Variants in HP1BP3 observed in about 807,000 individuals in gnomAD.
The protein encoded by HP1BP3 is heterochromatin protein 1-binding protein 3.
HP1BP3 carries 12 observed loss-of-function variants against 62.5 expected under a neutral mutation model. The ratio of observed to expected loss-of-function variants is 0.19; its 90% CI spans 0.12 to 0.31. The LOEUF (loss-of-function observed/expected upper bound fraction) is 0.31. Among genes scored for constraint, HP1BP3 ranks in the 10% least tolerant of loss-of-function variants. The probability of loss-of-function intolerance (pLI) is 1.00; values close to 1 mark genes in which losing one functional copy is unlikely to be tolerated. For synonymous variants in HP1BP3, 260 were observed against 237.8 expected, an observed-to-expected ratio of 1.09 and a Z score of -0.86; for missense variants, 502 against 651.8, an observed-to-expected ratio of 0.77 and a Z score of 2.50.
chr1:20,741,210 A>G lies in HP1BP3; in HGVS notation c.*3587T>C, dbSNP rs908882474. The stretch of plus-strand genomic sequence containing the variant: ...CCAAAGATAGGAGACCTTAACTATA[A>G]TCCCAAATTTTTAAAGTTTCTCTTA... On this transcript the variant is annotated 3_prime_UTR_variant, in exon 13 of 13. Transcript: ENST00000438032. Among the ~76,000 whole-genome samples, 1 of 152,236 alleles carries G rather than the reference A, an allele frequency of 6.6e-6. No individual in the cohort carries two copies. Among genetic ancestry groups the G allele is most frequent in the Non-Finnish European group, 1.5e-5 (1 of 68,046 alleles).
At position 20,742,254 on chromosome 1, in the gene HP1BP3, C is replaced by T. The variant is rs949408217; in HGVS notation, c.*2543G>A. ...TGAGCACAGGTACCTAACATCCATA[C>T]TATTAAGAATCATTACTTGCTAGAG... On this transcript the variant is annotated 3_prime_UTR_variant, in exon 13 of 13. Coordinates refer to ENST00000438032, the MANE Select transcript of HP1BP3 (RefSeq NM_001372052.1). Among the ~76,000 whole-genome samples, 1 of 152,180 alleles carries T rather than the reference C, an allele frequency of 6.6e-6. No individual in the cohort carries two copies. Among genetic ancestry groups the T allele is most frequent in the Non-Finnish European group, 1.5e-5 (1 of 68,032 alleles).
At chr1:20,751,133 T>TA (rs2055721103) in intron 9 of HP1BP3, among the ~76,000 whole-genome samples, 1 of 152,068 alleles carries the variant, frequency 6.6e-6, no homozygotes, top group African/African-American at 2.4e-5. Context: ...TCCTCTTTCT[T>TA]AAGATTTTCT....
chr1:20,760,554 A>T (rs1190777972), intron 8 of HP1BP3, among the ~76,000 whole-genome samples: 1 of 151,246 alleles, frequency 6.6e-6, no homozygotes, highest in Non-Finnish European at 1.5e-5. Context: ...AAAAAAAAAA[A>T]GTGACAGGCT....
intron 1 of HP1BP3, among the ~76,000 whole-genome samples, chr1:20,781,503 C>G (rs2057545072): frequency 6.6e-6 from 1 of 152,154 alleles, no homozygotes; most frequent in African/African-American, 2.4e-5. Flanking sequence ...ATGGGAACAC[C>G]AAGAACAATA....
chr1:20,757,217 C>A lies in HP1BP3; in HGVS notation c.930G>T (p.Glu310Asp). The A allele has an allele frequency of 6.2e-7, 1 of 1,612,982 alleles. No individual in the cohort carries two copies. The highest frequency in any genetic ancestry group is 2.2e-5 in the East Asian group (1 of 44,878). The change falls in exon 9 of 13, where the codon GAG (glutamate) becomes GAT (aspartate). Residue 310 changes from glutamate (E) to aspartate (D), a missense_variant. By Grantham distance (45) the Glu-to-Asp change is conservative. This residue lies in a region of HP1BP3 where 111 missense variants were observed against 242.0 expected (regional missense o/e 0.46). Transcript: ENST00000438032. ...LLKNALQRAV[E>D]RGQLEQITGK... is the part of the protein sequence containing the mutation. ...CAGTTATCTGTTCTAACTGGCCCCT[C>A]TCTACTGCTCTCTGCAGAGCGTTCT...
chr1:20,744,793 A>C lies in HP1BP3; in HGVS notation c.*4T>G. On this transcript the variant is annotated 3_prime_UTR_variant, in exon 13 of 13. Coordinates refer to ENST00000438032, the MANE Select transcript of HP1BP3 (RefSeq NM_001372052.1). ...CATCATGATACCCTTTTTTCCTATAAAATTTACTTTTTCACTCTGAAAGAC... is the reference window on the plus strand; with the variant it reads ...CATCATGATACCCTTTTTTCCTATACAATTTACTTTTTCACTCTGAAAGAC... The C allele has an allele frequency of 1.3e-6, 2 of 1,585,910 alleles. No individual in the cohort carries two copies. The highest frequency in any genetic ancestry group is 8.5e-7 in the Non-Finnish European group (1 of 1,170,816).
At position 20,742,023 on chromosome 1, in the gene HP1BP3, C is replaced by G. The variant is rs1457543504; in HGVS notation, c.*2774G>C. ...TCCTGTCTTTTCCCTTTACATCACACTGAAACAAACTGTCCTTATAGTTAA... is the reference window on the plus strand; with the variant it reads ...TCCTGTCTTTTCCCTTTACATCACAGTGAAACAAACTGTCCTTATAGTTAA... On this transcript the variant is annotated 3_prime_UTR_variant, in exon 13 of 13. Coordinates refer to ENST00000438032, the MANE Select transcript of HP1BP3 (RefSeq NM_001372052.1). 6.6e-6 allele frequency among the ~76,000 whole-genome samples: 1 copy of G among 152,224 alleles called. No individual in the cohort carries two copies. The highest frequency in any genetic ancestry group is 1.5e-5 in the Non-Finnish European group (1 of 68,044).
In HP1BP3 at chr1:20,771,235, TA is replaced by T; in HGVS notation, c.511-163del. ...TCAGTTCATAATGACTACAGAGAAGTAACAGAATTACTAAATATTTCTACTA... is the reference window on the plus strand; with the variant it reads ...TCAGTTCATAATGACTACAGAGAAGTACAGAATTACTAAATATTTCTACTA... On this transcript the variant is annotated intron_variant, in intron 5 of 12. Transcript: ENST00000438032. 2.6e-5 allele frequency among the ~76,000 whole-genome samples: 4 copies of T among 152,264 alleles called. No individual in the cohort carries two copies. In the Middle Eastern group the frequency reaches 0.014, roughly 518 times the overall value.
intron 1 of HP1BP3, among the ~76,000 whole-genome samples, chr1:20,786,989 G>A (rs1245737574): frequency 3.3e-5 from 5 of 152,076 alleles, no homozygotes; most frequent in Non-Finnish European, 7.4e-5. Flanking sequence ...AAAGGGCAGG[G>A]GGCTAGGTCG....
rs985981071 is a variant in HP1BP3 at position 20,740,646 on chromosome 1, C to T, written c.*4151G>A. Among the ~76,000 whole-genome samples the T allele has an allele frequency of 6.6e-6, 1 of 152,160 alleles. No homozygotes were observed. Among genetic ancestry groups the T allele is most frequent in the African/African-American group, 2.4e-5 (1 of 41,436 alleles). On this transcript the variant is annotated 3_prime_UTR_variant, in exon 13 of 13. Transcript: ENST00000438032. The stretch of plus-strand genomic sequence containing the variant: ...GACCAGCCTGGGCAACACAGTGAGG[C>T]CCCATCTCTAGAAAAGATAAATTAG...
At chr1:20,772,377 CCTCA>C (rs2057098878) in intron 5 of HP1BP3, among the ~76,000 whole-genome samples, 1 of 152,096 alleles carries the variant, frequency 6.6e-6, no homozygotes, top group African/African-American at 2.4e-5. Context: ...CTTTTTCCAT[CCTCA>C]CTATGATGCT....
chr1:20,785,793 T>G (rs2057794168), intron 1 of HP1BP3, among the ~76,000 whole-genome samples: 1 of 152,232 alleles, frequency 6.6e-6, no homozygotes, highest in Non-Finnish European at 1.5e-5. Flanking sequence ...AAAATGTTAC[T>G]TCTATTTTGA....
rs1156883591 is a variant in HP1BP3 at position 20,765,550 on chromosome 1, A to C, written c.736-19T>G. The C allele has an allele frequency of 6.3e-7, 1 of 1,597,594 alleles. No homozygotes were observed. The highest frequency in any genetic ancestry group is 8.6e-7 in the Non-Finnish European group (1 of 1,168,504). On this transcript the variant is annotated intron_variant, in intron 7 of 12. Transcript: ENST00000438032. Reference sequence around the variant, plus strand: ...TCCTATTCTGAAAAGTAATTATCAAAAATTATGATCATTATAGAACGTAAA... The same window carrying C: ...TCCTATTCTGAAAAGTAATTATCAACAATTATGATCATTATAGAACGTAAA...
intron 5 of HP1BP3, among the ~76,000 whole-genome samples, chr1:20,772,700 A>C (rs1172803323): frequency 1.3e-5 from 2 of 152,170 alleles, no homozygotes; most frequent in East Asian, 3.9e-4. Flanking sequence ...TCAGATCCTA[A>C]CAACAGGGTC....
At chr1:20,748,463 T>A (rs535367645) in intron 10 of HP1BP3, among the ~76,000 whole-genome samples, 3 of 152,170 alleles carry the variant, frequency 2.0e-5, no homozygotes, top group African/African-American at 4.8e-5. Flanking sequence ...CATATAGAAA[T>A]AGGCCGGGCG....
At chr1:20,748,767 A>C (rs935777548) in intron 10 of HP1BP3, among the ~76,000 whole-genome samples, 2 of 152,182 alleles carry the variant, frequency 1.3e-5, no homozygotes, top group African/African-American at 4.8e-5. Context: ...CCGTCTAAAA[A>C]AAAAAAAAGA....
At chr1:20,761,051 T>C (rs1208897359) in intron 8 of HP1BP3, among the ~76,000 whole-genome samples, 1 of 152,068 alleles carries the variant, frequency 6.6e-6, no homozygotes, top group East Asian at 1.9e-4. Context: ...TTTTATTTTA[T>C]TTATTTATTT....
At chr1:20,782,874 T>A (rs1163159857) in intron 1 of HP1BP3, among the ~76,000 whole-genome samples, 5 of 134,482 alleles carry the variant, frequency 3.7e-5, no homozygotes, top group Middle Eastern at 4.2e-3. Flanking sequence ...CACTCCAGCC[T>A]GGGCGACAGA....
intron 10 of HP1BP3, among the ~76,000 whole-genome samples, chr1:20,749,351 CTTTT>C (rs1557637308): frequency 7.0e-6 from 1 of 143,830 alleles, no homozygotes; most frequent in South Asian, 2.2e-4. Flanking sequence ...ATTTTTTTTT[CTTTT>C]CTTTTCTTTT....
Sources: allele counts gnomAD v4.1 joint callset (sites outside exome capture counted in the v4.1 genomes callset), GRCh38; gene constraint gnomAD v4.1.1; regional missense constraint gnomAD v4.1.1; transcripts MANE v1.5; gene names NCBI Gene and HGNC (gene_info 2026-07-23, HGNC 2026-07-21).